PRMT8: variants seen among roughly 807,000 people sequenced by gnomAD.
PRMT8 encodes protein arginine methyltransferase 8.
A neutral mutation model predicts 47.1 loss-of-function variants in PRMT8; 7 were observed. That is an observed-to-expected ratio of 0.15 (90% CI 0.08 to 0.28). The LOEUF (loss-of-function observed/expected upper bound fraction) is 0.28. PRMT8 is among the 10% of genes least tolerant of loss of function. The pLI is 1.00. For missense variants in PRMT8, 237 were observed against 505.4 expected (o/e 0.47, Z 5.09); for synonymous variants, 188 against 186.5 (o/e 1.01, Z -0.07).
rs1864976467 is a variant in PRMT8, at chr12:3,456,667, G to A, written c.48+75225G>A. 6.6e-6 allele frequency among the ~76,000 whole-genome samples: 1 copy of A among 152,214 alleles called. No individual in the cohort carries two copies. The highest frequency in any genetic ancestry group is 2.4e-5 in the African/African-American group (1 of 41,448). On this transcript the variant is annotated intron_variant, in intron 1 of 9. Transcript: ENST00000452611. This position sits in a 1 kb window ranked among gnomAD's most constrained non-coding sequence, Gnocchi z 4.2. ...ACAGTGGGGAAGCTGACCTTAAGCG[G>A]GAGGGTGCAGGGGTGAGCTAGTTTG...
At chr12:3,441,554 A>G (rs1864802435) in intron 1 of PRMT8, among the ~76,000 whole-genome samples, 1 of 152,208 alleles carries the variant, frequency 6.6e-6, no homozygotes, top group South Asian at 2.1e-4. Context: ...CCCAGTGCCC[A>G]GGAAAGGCCT....
chr12:3,382,686 AGG>A (rs1864103553), intron 1 of PRMT8, among the ~76,000 whole-genome samples: 1 of 152,196 alleles, frequency 6.6e-6, no homozygotes, highest in Non-Finnish European at 1.5e-5. Flanking sequence ...TCCTTTTAAC[AGG>A]ATTTCTCACA....
intron 1 of PRMT8, among the ~76,000 whole-genome samples, chr12:3,474,758 A>G (rs1368734806): frequency 2.0e-5 from 3 of 151,952 alleles, no homozygotes; most frequent in Non-Finnish European, 2.9e-5. Flanking sequence ...TCATCTTGCA[A>G]TTGCCTTCCC....
In PRMT8 at chr12:3,569,361, C is replaced by T; in HGVS notation, c.625-116C>T. ...CCCCAGACAAGGTGACAGTCCACTGCATGAGAGATGGTGGCAAGGGGGTGC... is the reference window on the plus strand; with the variant it reads ...CCCCAGACAAGGTGACAGTCCACTGTATGAGAGATGGTGGCAAGGGGGTGC... On this transcript the variant is annotated intron_variant, in intron 5 of 9. Coordinates refer to ENST00000382622, the MANE Select transcript of PRMT8 (RefSeq NM_019854.5). The surrounding 1 kb of genome is among the most constrained non-coding windows in gnomAD (Gnocchi z 8.2). 1 of 857,380 alleles carries T rather than the reference C, an allele frequency of 1.2e-6. No homozygotes were observed. The highest frequency in any genetic ancestry group is 1.4e-5 in the South Asian group (1 of 72,126). The allele number at this position is 857,380 out of a possible 1,614,324, so 53.1% of individuals were successfully genotyped here.
chr12:3,491,168 C>T (rs1276526308), upstream of PRMT8: 1 of 987,316 alleles, frequency 1.0e-6, no homozygotes, highest in Non-Finnish European at 1.2e-6. Context: ...ACTCACCCGG[C>T]TCAGCCCCTA....
At chr12:3,429,836 G>T (rs1490442322) in intron 1 of PRMT8, among the ~76,000 whole-genome samples, 4 of 152,224 alleles carry the variant, frequency 2.6e-5, no homozygotes, top group Non-Finnish European at 5.9e-5. Context: ...GCCTACCCAG[G>T]AGTGCTCTTT....
At chr12:3,525,104 C>G (rs1176981634) in intron 1 of PRMT8, among the ~76,000 whole-genome samples, 2 of 152,102 alleles carry the variant, frequency 1.3e-5, no homozygotes, top group Non-Finnish European at 2.9e-5. Flanking sequence ...TGCCTGTAAT[C>G]CCAGCCACTT....
chr12:3,417,200 C>T (rs373757422), intron 1 of PRMT8, among the ~76,000 whole-genome samples: 1 of 152,134 alleles, frequency 6.6e-6, no homozygotes, highest in African/African-American at 2.4e-5. Flanking sequence ...TCTCTTGTTG[C>T]CACACAGAGG....
chr12:3,496,236 T>G (rs972874364), intron 1 of PRMT8, among the ~76,000 whole-genome samples: 1 of 98,786 alleles, frequency 1.0e-5, no homozygotes, highest in African/African-American at 3.9e-5. Context: ...TTTTTTTTTT[T>G]TTTTGAATGT....
Position 3,576,672 on chromosome 12 carries a change from C to T in PRMT8, c.713-199C>T, listed in dbSNP as rs772175372. 5.3e-5 allele frequency among the ~76,000 whole-genome samples: 8 copies of T among 152,088 alleles called. No individual in the cohort carries two copies. Among genetic ancestry groups the T allele is most frequent in the Non-Finnish European group, 7.4e-5 (5 of 68,020 alleles). On this transcript the variant is annotated intron_variant, in intron 6 of 9. Coordinates refer to ENST00000382622, the MANE Select transcript of PRMT8 (RefSeq NM_019854.5). This position sits in a 1 kb window ranked among gnomAD's most constrained non-coding sequence, Gnocchi z 4.0. Reference sequence around the variant, plus strand: ...CAACAAAGTGGGACTTACCTTTTCCCGAGGTAGAAATGGAAATGGGAGTGA... The same window carrying T: ...CAACAAAGTGGGACTTACCTTTTCCTGAGGTAGAAATGGAAATGGGAGTGA...
In PRMT8 at chr12:3,583,936, T is replaced by C. The variant is rs573742838; in HGVS notation, c.979+728T>C. On this transcript the variant is annotated intron_variant, in intron 8 of 9. Transcript: ENST00000382622. The surrounding 1 kb of genome is among the most constrained non-coding windows in gnomAD (Gnocchi z 4.7). ...TCTAAACTCAGTGAGGCCTCTTCAT[T>C]CTCTGGGCCATGGCTTCTACACACA... 2.6e-5 allele frequency among the ~76,000 whole-genome samples: 4 copies of C among 152,248 alleles called. No individual in the cohort carries two copies. The East Asian group carries it at 7.7e-4, about 29-fold the overall frequency.
chr12:3,525,269 G>C (rs896449523), intron 1 of PRMT8, among the ~76,000 whole-genome samples: 4 of 152,126 alleles, frequency 2.6e-5, no homozygotes, highest in African/African-American at 9.7e-5. Context: ...CTGGTGCATA[G>C]TCTCTAGGTG....
At chr12:3,592,091 CA>C in intron 8 of PRMT8, 139 bp from the exon 9 acceptor site, 1 of 958,448 alleles carries the variant, frequency 1.0e-6, no homozygotes, top group Non-Finnish European at 1.5e-6. Context: ...GCACCTGACC[CA>C]ACAAGAGTAC....
Position 3,456,210 on chromosome 12 carries a change from G to C in PRMT8, c.48+74768G>C, listed in dbSNP as rs1477425170. Among the ~76,000 whole-genome samples, 1 of 152,190 alleles carries C rather than the reference G, an allele frequency of 6.6e-6. No individual in the cohort carries two copies. Among genetic ancestry groups the C allele is most frequent in the African/African-American group, 2.4e-5 (1 of 41,446 alleles). On this transcript the variant is annotated intron_variant, in intron 1 of 9. Coordinates refer to the PRMT8 transcript ENST00000452611. The surrounding 1 kb of genome is among the most constrained non-coding windows in gnomAD (Gnocchi z 4.2). ...GTACGCCAGCGCTGGCACACCAAGC[G>C]CCACCTTTGAGCGGGAAATGGCAGC... is the stretch of plus-strand genomic sequence containing the variant.
rs920743161 is a variant in PRMT8 at position 3,409,961 on chromosome 12, G to A, written c.48+28519G>A. The stretch of plus-strand genomic sequence containing the variant: ...AGGCAGGGTGTAGCAGCAACTGGGA[G>A]GCGTGGATGGAGTGGCTCTGGCCCT... On this transcript the variant is annotated intron_variant, in intron 1 of 9. Coordinates refer to the PRMT8 transcript ENST00000452611. The surrounding 1 kb of genome is among the most constrained non-coding windows in gnomAD (Gnocchi z 4.4). 2.0e-5 allele frequency among the ~76,000 whole-genome samples: 3 copies of A among 152,204 alleles called. No individual in the cohort carries two copies. The highest frequency in any genetic ancestry group is 7.2e-5 in the African/African-American group (3 of 41,448).
At chr12:3,547,865 C>T (rs1866352217) in intron 2 of PRMT8, among the ~76,000 whole-genome samples, 3 of 152,228 alleles carry the variant, frequency 2.0e-5, no homozygotes, top group Admixed American at 1.3e-4. Context: ...TAATACAAGT[C>T]TGATAGATGC....
intron 1 of PRMT8, among the ~76,000 whole-genome samples, chr12:3,435,519 T>C (rs572693253): frequency 6.6e-6 from 1 of 151,594 alleles, no homozygotes; most frequent in East Asian, 1.9e-4. Context: ...TTTTCTTCTT[T>C]TTTTTTCTTT....
Position 3,557,227 on chromosome 12 carries a change from T to C in PRMT8, c.481+3513T>C, listed in dbSNP as rs547430645. ...CCCATCCTTGCTGTTGTGTGATCTT[T>C]CTCTTACCACTCTCAGGAGCTCGAG... On this transcript the variant is annotated intron_variant, in intron 4 of 9. Coordinates refer to ENST00000382622, the MANE Select transcript of PRMT8 (RefSeq NM_019854.5). This position sits in a 1 kb window ranked among gnomAD's most constrained non-coding sequence, Gnocchi z 4.7. Among the ~76,000 whole-genome samples, 1 of 152,176 alleles carries C rather than the reference T, an allele frequency of 6.6e-6. No homozygotes were observed. Among genetic ancestry groups the C allele is most frequent in the East Asian group, 1.9e-4 (1 of 5,186 alleles).
At chr12:3,455,688 G>T (rs751411543) in intron 1 of PRMT8, among the ~76,000 whole-genome samples, 1 of 152,174 alleles carries the variant, frequency 6.6e-6, no homozygotes, top group Non-Finnish European at 1.5e-5. Context: ...AGGGTCAGCG[G>T]GGGGTGGGGT....
Sources: gnomAD v4.1 joint callset for allele counts (sites outside exome capture counted in the v4.1 genomes callset) on GRCh38, gnomAD v4.1.1 for gene constraint, Gnocchi (gnomAD v3.1) non-coding constraint, MANE v1.5 for transcripts, NCBI Gene and HGNC (gene_info 2026-07-23, HGNC 2026-07-21) for gene names.